Variants in ACOT7 observed in about 807,000 individuals in gnomAD.
The protein encoded by ACOT7 is cytosolic acyl coenzyme A thioester hydrolase.
In ACOT7, 12 loss-of-function variants were observed where a neutral mutation model predicts 40.2. The observed-to-expected ratio is 0.30, with a 90% CI of 0.19 to 0.48. ACOT7 has a LOEUF of 0.48. Among genes scored for constraint, ACOT7 ranks in the 20% least tolerant of loss-of-function variants. The pLI, the probability that ACOT7 is intolerant of heterozygous loss-of-function variation, is 0.99. For synonymous variants in ACOT7, 228 were observed against 219.5 expected, an observed-to-expected ratio of 1.04 and a Z score of -0.34; for missense variants, 395 against 530.8, an observed-to-expected ratio of 0.74 and a Z score of 2.51.
intron 5 of ACOT7, among the ~76,000 whole-genome samples, chr1:6,322,207 G>T (rs909191805): frequency 8.4e-6 from 1 of 119,072 alleles, no homozygotes; most frequent in Non-Finnish European, 1.6e-5. Flanking sequence ...TCCCAGAGGG[G>T]CCCAGATGCA....
At chr1:6,313,136 A>G (rs1640386741) in intron 6 of ACOT7, among the ~76,000 whole-genome samples, 2 of 152,224 alleles carry the variant, frequency 1.3e-5, no homozygotes, top group African/African-American at 2.4e-5. Context: ...GCGGCTGCTA[A>G]GCTGGTGGTG....
chr1:6,339,288 C>T, intron 3 of ACOT7, 145 bp downstream of exon 3: 2 of 1,166,654 alleles, frequency 1.7e-6, no homozygotes, highest in South Asian at 1.4e-5. Flanking sequence ...GACATAGCTG[C>T]TCCCAGGGCC....
At chr1:6,344,763 C>CAAAAAAAAAAAAAA (rs58594477) in intron 2 of ACOT7, among the ~76,000 whole-genome samples, 1 of 56,028 alleles carries the variant, frequency 1.8e-5, no homozygotes, top group Non-Finnish European at 4.6e-5. Flanking sequence ...GACTCTGTCT[C>CAAAAAAAAAAAAAA]AAAAAAAAAA....
At position 6,301,634 on chromosome 1, in the gene ACOT7, A is replaced by G. The variant is rs1639976845; in HGVS notation, c.713-6654T>C. 6.6e-6 allele frequency among the ~76,000 whole-genome samples: 1 copy of G among 152,206 alleles called. No individual in the cohort carries two copies. Among genetic ancestry groups the G allele is most frequent in the African/African-American group, 2.4e-5 (1 of 41,450 alleles). The stretch of plus-strand genomic sequence containing the variant: ...GGTTGCTGAATGAATGAATTAATCA[A>G]TGAATGAATGCAGGTTGACTAACAG... On this transcript the variant is annotated intron_variant, in intron 6 of 8. Transcript: ENST00000361521. This position sits in a 1 kb window ranked among gnomAD's most constrained non-coding sequence, Gnocchi z 4.1.
At chr1:6,290,889 C>T (rs1368394220) in intron 7 of ACOT7, among the ~76,000 whole-genome samples, 1 of 152,210 alleles carries the variant, frequency 6.6e-6, no homozygotes, top group Admixed American at 6.5e-5. Context: ...GACTGCTCTT[C>T]TCAAAAGTGG....
At chr1:6,392,571 C>A (rs1642550193) in intron 1 of ACOT7, among the ~76,000 whole-genome samples, 1 of 152,210 alleles carries the variant, frequency 6.6e-6, no homozygotes, top group South Asian at 2.1e-4. Flanking sequence ...AGAAGGACAA[C>A]CCTTTGCCTC....
At chr1:6,329,060 C>T (rs1316064629) in intron 4 of ACOT7, among the ~76,000 whole-genome samples, 1 of 152,284 alleles carries the variant, frequency 6.6e-6, no homozygotes, top group Non-Finnish European at 1.5e-5. Flanking sequence ...CTCAGGGCCC[C>T]TCTGGGCCCC....
chr1:6,368,889 G>A (rs1354295610), intron 1 of ACOT7, among the ~76,000 whole-genome samples: 1 of 152,166 alleles, frequency 6.6e-6, no homozygotes, highest in African/African-American at 2.4e-5. Flanking sequence ...CTGGCGTGAG[G>A]GCAGGGGTTG....
intron 5 of ACOT7, among the ~76,000 whole-genome samples, chr1:6,320,179 A>G (rs1640603486): frequency 6.6e-6 from 1 of 152,250 alleles, no homozygotes; most frequent in Non-Finnish European, 1.5e-5. Flanking sequence ...AAGATGATGT[A>G]AACACCTAGC....
chr1:6,332,021 G>A (rs933929894), intron 4 of ACOT7, among the ~76,000 whole-genome samples: 5 of 152,236 alleles, frequency 3.3e-5, no homozygotes, highest in Admixed American at 1.3e-4. Context: ...GCCTCCTACA[G>A]GCGGGAAGTG....
chr1:6,353,920 C>T (rs1641666643), intron 1 of ACOT7, among the ~76,000 whole-genome samples: 1 of 152,156 alleles, frequency 6.6e-6, no homozygotes, highest in Non-Finnish European at 1.5e-5. Context: ...TTTCTCTGGG[C>T]CTGGCCCCAA....
At chr1:6,345,225 G>T (rs3789478) in intron 2 of ACOT7, among the ~76,000 whole-genome samples, 1 of 152,142 alleles carries the variant, frequency 6.6e-6, no homozygotes, top group Non-Finnish European at 1.5e-5. Flanking sequence ...GCACCTGCCC[G>T]GAAGTGCCCT....
chr1:6,269,205 G>C (rs1186042813), intron 8 of ACOT7, among the ~76,000 whole-genome samples: 1 of 152,196 alleles, frequency 6.6e-6, no homozygotes, highest in Non-Finnish European at 1.5e-5. Flanking sequence ...TTTAAACCTG[G>C]GCATGGGGGC....
intron 1 of ACOT7, among the ~76,000 whole-genome samples, chr1:6,351,335 G>GATC (rs1043885593): frequency 8.2e-4 from 125 of 152,376 alleles, no homozygotes; most frequent in African/African-American, 2.8e-3. Flanking sequence ...ACAGTGGCCG[G>GATC]GGGATCCCCA....
At chr1:6,365,902 ATT>A (rs111522619) in intron 1 of ACOT7, among the ~76,000 whole-genome samples, 2 of 144,604 alleles carry the variant, frequency 1.4e-5, no homozygotes, top group Non-Finnish European at 1.5e-5. Flanking sequence ...TTTGGGGTTT[ATT>A]TTTTTTTTTT....
At position 6,292,686 on chromosome 1, in the gene ACOT7, G is replaced by GT. The variant is rs58177155; in HGVS notation, c.829+2177dup. 8.3e-3 allele frequency among the ~76,000 whole-genome samples: 1,138 copies of GT among 137,012 alleles called. 8 individuals carry two copies. Among genetic ancestry groups the GT allele is most frequent in the African/African-American group, 0.015 (541 of 36,892 alleles). 89.9% of individuals were successfully genotyped at this position (137,012 alleles called of 152,430 possible). On this transcript the variant is annotated intron_variant, in intron 7 of 8. Transcript: ENST00000361521. Reference sequence around the variant, plus strand: ...CTTTGTTTTTTTTTTGTTTTTTTGTGTTTTTTTTTTTTTGCGACAGATTCT... The same window carrying GT: ...CTTTGTTTTTTTTTTGTTTTTTTGTGTTTTTTTTTTTTTTGCGACAGATTCT...
At position 6,339,246 on chromosome 1, in the gene ACOT7, G is replaced by A. The variant is rs112062370; in HGVS notation, c.418+187C>T. On this transcript the variant is annotated intron_variant, in intron 3 of 8. Transcript: ENST00000361521. The stretch of plus-strand genomic sequence containing the variant: ...TGAACTCGTTTCCTAACCCCTCTGT[G>A]CCCCTTTCCTGTCTGCAAAATCAGG... 1.1e-3 allele frequency among the ~76,000 whole-genome samples: 175 copies of A among 152,318 alleles called. 1 individual carries two copies. Among genetic ancestry groups the A allele is most frequent in the African/African-American group, 4.0e-3 (165 of 41,574 alleles).
intron 1 of ACOT7, among the ~76,000 whole-genome samples, chr1:6,357,893 G>A (rs960346230): frequency 3.3e-5 from 5 of 149,528 alleles, no homozygotes; most frequent in African/African-American, 1.2e-4. Flanking sequence ...TTGAGAGGGA[G>A]TCTCGCTCTG....
At chr1:6,350,454 C>G (rs981867049) in intron 1 of ACOT7, among the ~76,000 whole-genome samples, 1 of 152,222 alleles carries the variant, frequency 6.6e-6, no homozygotes, top group African/African-American at 2.4e-5. Flanking sequence ...AGGCAAGGAG[C>G]CTCCCAGGTC....
Sources: gnomAD v4.1 joint callset for allele counts (sites outside exome capture counted in the v4.1 genomes callset) on GRCh38, gnomAD v4.1.1 for gene constraint, Gnocchi (gnomAD v3.1) non-coding constraint, MANE v1.5 for transcripts, NCBI Gene and HGNC (gene_info 2026-07-23, HGNC 2026-07-21) for gene names.